The following TMEM190 variants were observed in gnomAD, a reference collection of about 807,000 sequenced individuals.
TMEM190 encodes transmembrane protein 190.
Under a neutral mutation model 17.1 loss-of-function variants are expected in TMEM190, and 17 were observed. The observed-to-expected ratio is 0.99, with a 90% CI of 0.68 to 1.49. TMEM190 has a LOEUF of 1.49. Ranked by LOEUF, TMEM190 falls within the 40% of genes most tolerant of loss-of-function variation. TMEM190 has a pLI of 0.00. For missense variants in TMEM190, 246 were observed against 245.0 expected (o/e 1.00, Z -0.03); for synonymous variants, 101 against 103.8 (o/e 0.97, Z 0.16).
rs146943389 is a variant in TMEM190, at chr19:55,377,135, C to CGG, written c.94+115_94+116dup. The CGG allele has an allele frequency of 8.1e-4, 741 of 910,936 alleles. 3 individuals are homozygous for CGG. In the African/African-American group the frequency reaches 0.016, roughly 19 times the overall value. The allele number at this position is 910,936 out of a possible 1,614,324, so 56.4% of individuals were successfully genotyped here. Reference sequence around the variant, plus strand: ...CTGGACTCCTGGATCTGAGGGAGGACGGGGGGGTCTGGACTCCTGGGTCTG... The same window carrying CGG: ...CTGGACTCCTGGATCTGAGGGAGGACGGGGGGGGGTCTGGACTCCTGGGTCTG... On this transcript the variant is annotated intron_variant, in intron 2 of 4. Transcript: ENST00000291934.
At position 55,377,731 on chromosome 19, in the gene TMEM190, G is replaced by A. The variant is rs377382691; in HGVS notation, c.220+13G>A. On this transcript the variant is annotated intron_variant, in intron 3 of 4. Transcript: ENST00000291934. ...CAGCGTCCAGACGGTGAGGGCTCCT[G>A]GCCCCAGGTCCCTGGGGCGTGGGTC... 1.4e-4 allele frequency: 222 copies of A among 1,610,900 alleles called. No individual in the cohort carries two copies. The highest frequency in any genetic ancestry group is 1.3e-4 in the Non-Finnish European group (154 of 1,178,248).
In TMEM190 at chr19:55,376,939, G is replaced by A. The variant is rs1014645659; in HGVS notation, c.58+28G>A. ...GAGGGGCTGGTGAGGCGGGGGAGCT[G>A]AGGAGGGACGCCCGGCTCCACACAG... On this transcript the variant is annotated intron_variant, in intron 1 of 4. Coordinates refer to ENST00000291934, the MANE Select transcript of TMEM190 (RefSeq NM_139172.3). 2.6e-6 allele frequency: 4 copies of A among 1,557,080 alleles called. No individual in the cohort carries two copies. The African/African-American group carries it at 4.1e-5, about 16-fold the overall frequency.
chr19:55,376,844 G>C lies in TMEM190; in HGVS notation c.-10G>C. 3 of 1,557,952 alleles carry C rather than the reference G, an allele frequency of 1.9e-6. No individual in the cohort carries two copies. The highest frequency in any genetic ancestry group is 2.6e-6 in the Non-Finnish European group (3 of 1,151,288). ...TTCCCACAGTGGCCCCAGGGGTCTG[G>C]GGAGGTGACATGTTGGGCTGTGGGA... On this transcript the variant is annotated 5_prime_UTR_variant, in exon 1 of 5. Coordinates refer to ENST00000291934, the MANE Select transcript of TMEM190 (RefSeq NM_139172.3).
intron 3 of TMEM190, 31 bp downstream of exon 3, chr19:55,377,749 C>T (rs530215514): frequency 2.5e-5 from 40 of 1,611,950 alleles, no homozygotes; most frequent in Middle Eastern, 3.3e-4. Flanking sequence ...GTCCCTGGGG[C>T]GTGGGTCTGG....
chr19:55,377,730 T>C lies in TMEM190; in HGVS notation c.220+12T>C. ...CCAGCGTCCAGACGGTGAGGGCTCC[T>C]GGCCCCAGGTCCCTGGGGCGTGGGT... is the stretch of plus-strand genomic sequence containing the variant. On this transcript the variant is annotated intron_variant, in intron 3 of 4. Coordinates refer to ENST00000291934, the MANE Select transcript of TMEM190 (RefSeq NM_139172.3). 1.2e-6 allele frequency: 2 copies of C among 1,610,974 alleles called. No homozygotes were observed. Among genetic ancestry groups the C allele is most frequent in the Non-Finnish European group, 1.7e-6 (2 of 1,178,240 alleles).
Position 55,377,795 on chromosome 19 carries a change from T to C in TMEM190, c.221-7T>C. On this transcript the variant is annotated splice_polypyrimidine_tract_variant and splice_region_variant and intron_variant, in intron 3 of 4. Coordinates refer to ENST00000291934, the MANE Select transcript of TMEM190 (RefSeq NM_139172.3). ...CCCCGGGTCTTAACCCTGCCTCCCTTGTCCAGAAAACGTGCGGAGGAAGCA... is the reference window on the plus strand; with the variant it reads ...CCCCGGGTCTTAACCCTGCCTCCCTCGTCCAGAAAACGTGCGGAGGAAGCA... 4 of 1,612,862 alleles carry C rather than the reference T, an allele frequency of 2.5e-6. No homozygotes were observed. The highest frequency in any genetic ancestry group is 2.2e-5 in the East Asian group (1 of 44,812).
At chr19:55,377,483 C>T (rs2089861312) in intron 2 of TMEM190, 110 bp from the exon 3 acceptor site, 1 of 1,512,734 alleles carries the variant, frequency 6.6e-7, no homozygotes, top group Non-Finnish European at 8.9e-7. Flanking sequence ...GGGCCCTGCA[C>T]AGAGTAAGCA....
Position 55,377,765 on chromosome 19 carries a change from G to A in TMEM190, c.221-37G>A, listed in dbSNP as rs374510517. 2.4e-5 allele frequency: 39 copies of A among 1,612,106 alleles called. No homozygotes were observed. The African/African-American group carries it at 2.7e-4, about 11-fold the overall frequency. The stretch of plus-strand genomic sequence containing the variant: ...TCCCTGGGGCGTGGGTCTGGCGGTC[G>A]GGAGCCCCGGGTCTTAACCCTGCCT... On this transcript the variant is annotated intron_variant, in intron 3 of 4. Transcript: ENST00000291934.
chr19:55,377,773 C>CT, intron 3 of TMEM190, 29 bp from the exon 4 acceptor site: 1 of 1,612,628 alleles, frequency 6.2e-7, no homozygotes, highest in Admixed American at 1.7e-5. Context: ...TCGGGAGCCC[C>CT]GGGTCTTAAC....
chr19:55,377,792 C>T lies in TMEM190; in HGVS notation c.221-10C>T. The T allele has an allele frequency of 6.2e-7, 1 of 1,612,978 alleles. No individual in the cohort carries two copies. Among genetic ancestry groups the T allele is most frequent in the Non-Finnish European group, 8.5e-7 (1 of 1,179,788 alleles). On this transcript the variant is annotated splice_polypyrimidine_tract_variant and intron_variant, in intron 3 of 4. Transcript: ENST00000291934. ...GAGCCCCGGGTCTTAACCCTGCCTCCCTTGTCCAGAAAACGTGCGGAGGAA... is the reference window on the plus strand; with the variant it reads ...GAGCCCCGGGTCTTAACCCTGCCTCTCTTGTCCAGAAAACGTGCGGAGGAA...
rs1206347311 is a variant in TMEM190 at position 55,376,997 on chromosome 19, A to G, written c.65A>G (p.Asn22Ser). The G allele has an allele frequency of 6.4e-7, 1 of 1,551,528 alleles. No homozygotes were observed. Among genetic ancestry groups the G allele is most frequent in the Non-Finnish European group, 8.7e-7 (1 of 1,147,006 alleles). Reference protein sequence around the residue: ...LLLLQGSADGNGIQGFFYPWS... With the variant: ...LLLLQGSADGSGIQGFFYPWS... ...ACTGCCCTTTCTCTCGCAGACGGAA[A>G]TGGAATCCAGGGATTCTTCTACCCA... The change falls in exon 2 of 5, where the codon AAT (asparagine) becomes AGT (serine). Residue 22 changes from asparagine (N) to serine (S), a missense_variant. Physicochemically the swap from Asn to Ser is conservative, Grantham distance 46. Coordinates refer to ENST00000291934, the MANE Select transcript of TMEM190 (RefSeq NM_139172.3).
At chr19:55,377,119 T>A in intron 2 of TMEM190, 93 bp downstream of exon 2, 1 of 1,418,358 alleles carries the variant, frequency 7.1e-7, no homozygotes, top group Non-Finnish European at 9.7e-7. Flanking sequence ...CCTGGACTCC[T>A]GGATCTGAGG....
chr19:55,377,888 C>G lies in TMEM190; in HGVS notation c.305+2C>G, dbSNP rs762143109. The G allele has an allele frequency of 1.2e-6, 2 of 1,608,544 alleles. No individual in the cohort carries two copies. The highest frequency in any genetic ancestry group is 1.3e-5 in the African/African-American group (1 of 74,972). ...GAGCTGCAGCATCTGCTTGTTCTGG[C>G]GAGTGGGCCTGGGATAGGGCGGGCG... On this transcript the variant is annotated splice_donor_variant, in intron 4 of 4. Coordinates refer to ENST00000291934, the MANE Select transcript of TMEM190 (RefSeq NM_139172.3). LOFTEE classifies it high-confidence loss of function.
intron 2 of TMEM190, 84 bp from the exon 3 acceptor site, chr19:55,377,508 TG>T: frequency 6.5e-7 from 1 of 1,537,904 alleles, no homozygotes; most frequent in Non-Finnish European, 8.8e-7. Flanking sequence ...GAAGGCAGCC[TG>T]GGAGCATGGC....
rs762606209 is a variant in TMEM190 at position 55,377,783 on chromosome 19, C to G, written c.221-19C>G. 3.7e-6 allele frequency: 6 copies of G among 1,612,960 alleles called. No homozygotes were observed. Among genetic ancestry groups the G allele is most frequent in the Non-Finnish European group, 5.1e-6 (6 of 1,179,714 alleles). ...GGCGGTCGGGAGCCCCGGGTCTTAA[C>G]CCTGCCTCCCTTGTCCAGAAAACGT... On this transcript the variant is annotated intron_variant, in intron 3 of 4. Transcript: ENST00000291934.
At chr19:55,377,535 A>G in intron 2 of TMEM190, 58 bp from the exon 3 acceptor site, 1 of 1,559,500 alleles carries the variant, frequency 6.4e-7, no homozygotes, top group African/African-American at 1.4e-5. Context: ...AATCTCGTGT[A>G]TGAGGCCTTC....
At position 55,377,906 on chromosome 19, in the gene TMEM190, G is replaced by A; in HGVS notation, c.305+20G>A. 1 of 1,607,260 alleles carries A rather than the reference G, an allele frequency of 6.2e-7. No homozygotes were observed. The highest frequency in any genetic ancestry group is 8.5e-7 in the Non-Finnish European group (1 of 1,179,624). On this transcript the variant is annotated intron_variant, in intron 4 of 4. Coordinates refer to ENST00000291934, the MANE Select transcript of TMEM190 (RefSeq NM_139172.3). The stretch of plus-strand genomic sequence containing the variant: ...GTTCTGGCGAGTGGGCCTGGGATAG[G>A]GCGGGCGCCTGCACCCCCAGGGGGA...
In TMEM190 at chr19:55,377,788, C is replaced by T. The variant is rs939411874; in HGVS notation, c.221-14C>T. The T allele has an allele frequency of 2.5e-6, 4 of 1,612,828 alleles. No individual in the cohort carries two copies. The South Asian group carries it at 3.3e-5, about 13-fold the overall frequency. ...TCGGGAGCCCCGGGTCTTAACCCTGCCTCCCTTGTCCAGAAAACGTGCGGA... is the reference window on the plus strand; with the variant it reads ...TCGGGAGCCCCGGGTCTTAACCCTGTCTCCCTTGTCCAGAAAACGTGCGGA... On this transcript the variant is annotated splice_polypyrimidine_tract_variant and intron_variant, in intron 3 of 4. Transcript: ENST00000291934.
intron 2 of TMEM190, 162 bp from the exon 3 acceptor site, chr19:55,377,431 C>A: frequency 1.9e-6 from 2 of 1,040,170 alleles, no homozygotes; most frequent in Admixed American, 2.4e-5. Flanking sequence ...GGGGCCTGGA[C>A]TCCTGGGTCT....
Sources: gnomAD v4.1 joint callset for allele counts on GRCh38, gnomAD v4.1.1 for gene constraint, MANE v1.5 for transcripts, NCBI Gene and HGNC (gene_info 2026-07-23, HGNC 2026-07-21) for gene names.